ALDH7A1: variants seen among roughly 807,000 people sequenced by gnomAD.
The protein encoded by ALDH7A1 is alpha-aminoadipic semialdehyde dehydrogenase.
Under a neutral mutation model 79.9 loss-of-function variants are expected in ALDH7A1, and 63 were observed. The ratio of observed to expected loss-of-function variants is 0.79; its 90% CI spans 0.64 to 0.97. ALDH7A1 has a LOEUF of 0.97. ALDH7A1 is among the 50% of genes least tolerant of loss of function. The pLI is 0.00. For missense variants in ALDH7A1, 627 were observed against 665.2 expected, an observed-to-expected ratio of 0.94 and a Z score of 0.63; for synonymous variants, 240 against 231.2, an observed-to-expected ratio of 1.04 and a Z score of -0.34.
intron 9 of ALDH7A1, among the ~76,000 whole-genome samples, chr5:126,565,953 T>G (rs1282753399): frequency 6.6e-6 from 1 of 152,250 alleles, no homozygotes; most frequent in African/African-American, 2.4e-5. Context: ...TGTCTATCCT[T>G]ATGCTGGTGC....
At chr5:126,574,019 G>A (rs1280361062) in intron 7 of ALDH7A1, among the ~76,000 whole-genome samples, 19 of 79,026 alleles carry the variant, frequency 2.4e-4, no homozygotes, top group Admixed American at 6.1e-4. Flanking sequence ...AACAAAGACT[G>A]TCTCAAAAAA....
At chr5:126,574,198 A>G (rs1281462406) in intron 7 of ALDH7A1, among the ~76,000 whole-genome samples, 1 of 151,838 alleles carries the variant, frequency 6.6e-6, no homozygotes, top group Non-Finnish European at 1.5e-5. Flanking sequence ...CAAGACATCG[A>G]GACCATCCTG....
chr5:126,563,945 A>T (rs1446624313), intron 9 of ALDH7A1, among the ~76,000 whole-genome samples: 1 of 150,234 alleles, frequency 6.7e-6, no homozygotes, highest in Non-Finnish European at 1.5e-5. Flanking sequence ...GTGTCACAAC[A>T]CCTGGCTTGT....
chr5:126,567,268 T>C (rs576007491), intron 9 of ALDH7A1, among the ~76,000 whole-genome samples: 2 of 152,340 alleles, frequency 1.3e-5, no homozygotes, highest in South Asian at 4.1e-4. Context: ...CATCAGGTTA[T>C]AAATGACCCT....
Position 126,570,861 on chromosome 5 carries a change from T to C in ALDH7A1, c.696-2A>G. 6.2e-7 allele frequency: 1 copy of C among 1,613,722 alleles called. No individual in the cohort carries two copies. The highest frequency in any genetic ancestry group is 8.5e-7 in the Non-Finnish European group (1 of 1,179,692). The stretch of plus-strand genomic sequence containing the variant: ...TCCTCCAGAACCTTGGCTATTATCC[T>C]AGAAAGGAAAAAGCAATTACTGAGG... On this transcript the variant is annotated splice_acceptor_variant, in intron 7 of 17. Coordinates refer to ENST00000409134, the MANE Select transcript of ALDH7A1 (RefSeq NM_001182.5). LOFTEE classifies it high-confidence loss of function.
At chr5:126,551,773 G>A (rs986643054) in intron 14 of ALDH7A1, among the ~76,000 whole-genome samples, 4 of 152,178 alleles carry the variant, frequency 2.6e-5, no homozygotes, top group East Asian at 3.9e-4. Context: ...CACAGGAAAT[G>A]AGGACCACAC....
At chr5:126,555,458 G>A (rs1750157571) in intron 12 of ALDH7A1, 1 of 142,588 alleles carries the variant, frequency 7.0e-6, no homozygotes, top group African/African-American at 3.1e-5. Flanking sequence ...ACTCCAGCCT[G>A]AGCAACAGAG....
intron 5 of ALDH7A1, 25 bp downstream of exon 5, chr5:126,582,826 C>T (rs376418972): frequency 1.2e-5 from 20 of 1,611,538 alleles, no homozygotes; most frequent in Non-Finnish European, 1.6e-5. Context: ...GTACAAAACT[C>T]AGCTTAACTA....
chr5:126,554,391 T>C lies in ALDH7A1; in HGVS notation c.1096A>G (p.Asn366Asp). ...QIRVGNPWDP[N>D]VLYGPLHTKQ... ...GTGTGGAGTGGCCCATAGAGAACAT[T>C]AGCTGGAGAGAGAAAAGGAAGGCTG... The change falls in exon 13 of 18, where the codon AAT becomes GAT. Residue 366 changes from asparagine to aspartate, a missense_variant and splice_region_variant. Coordinates refer to ENST00000409134, the MANE Select transcript of ALDH7A1 (RefSeq NM_001182.5). 1.2e-6 allele frequency: 2 copies of C among 1,613,810 alleles called. No homozygotes were observed. Among genetic ancestry groups the C allele is most frequent in the Non-Finnish European group, 1.7e-6 (2 of 1,179,776 alleles).
At position 126,572,776 on chromosome 5, in the gene ALDH7A1, G is replaced by C. The variant is rs115211013; in HGVS notation, c.696-1917C>G. 1.8e-3 allele frequency among the ~76,000 whole-genome samples: 281 copies of C among 152,260 alleles called. 1 individual carries two copies. The highest frequency in any genetic ancestry group is 6.5e-3 in the African/African-American group (270 of 41,552). On this transcript the variant is annotated intron_variant, in intron 7 of 17. Coordinates refer to ENST00000409134, the MANE Select transcript of ALDH7A1 (RefSeq NM_001182.5). Reference sequence around the variant, plus strand: ...GGTAACCCCACACCTCTCCAATGGGGCTCTCACTTTCTTGTACCTGTATGA... The same window carrying C: ...GGTAACCCCACACCTCTCCAATGGGCCTCTCACTTTCTTGTACCTGTATGA...
intron 8 of ALDH7A1, 79 bp downstream of exon 8, chr5:126,570,703 T>C (rs1033374954): frequency 7.4e-7 from 1 of 1,345,148 alleles, no homozygotes; most frequent in Non-Finnish European, 1.1e-6. Context: ...ATAAGTGAGT[T>C]CATTATTCTA....
chr5:126,593,831 C>A, intron 1 of ALDH7A1: 1 of 280,258 alleles, frequency 3.6e-6, no homozygotes, highest in African/African-American at 2.2e-5. Context: ...GGTCTCAGGT[C>A]AACAATGAAA....
intron 3 of ALDH7A1, among the ~76,000 whole-genome samples, chr5:126,585,024 C>G (rs911122763): frequency 1.3e-5 from 2 of 152,134 alleles, no homozygotes; most frequent in African/African-American, 2.4e-5. Flanking sequence ...TAAGGCTGGG[C>G]GCGGTGGCTC....
At chr5:126,548,200 A>G (rs1315300700) in intron 16 of ALDH7A1, among the ~76,000 whole-genome samples, 16 of 152,182 alleles carry the variant, frequency 1.1e-4, no homozygotes, top group Non-Finnish European at 2.9e-5. Flanking sequence ...CCCAGGCTGA[A>G]GTGCAGTGGT....
intron 11 of ALDH7A1, among the ~76,000 whole-genome samples, chr5:126,557,847 A>G (rs1158450180): frequency 2.0e-5 from 3 of 152,044 alleles, no homozygotes; most frequent in Non-Finnish European, 4.4e-5. Context: ...TTAAATGGCA[A>G]ATGCAGCCAA....
At chr5:126,558,920 CTTG>C (rs1358840057) in intron 11 of ALDH7A1, among the ~76,000 whole-genome samples, 1 of 152,140 alleles carries the variant, frequency 6.6e-6, no homozygotes, top group African/African-American at 2.4e-5. Flanking sequence ...TTATTTTTAT[CTTG>C]TTTTGTTCTC....
intron 5 of ALDH7A1, 75 bp downstream of exon 5, chr5:126,582,776 G>C (rs1008726484): frequency 3.2e-6 from 5 of 1,559,658 alleles, no homozygotes; most frequent in Non-Finnish European, 2.6e-6. Context: ...ACAGTCAATA[G>C]CCAGAGTATT....
At chr5:126,548,185 T>C (rs1382650642) in intron 16 of ALDH7A1, among the ~76,000 whole-genome samples, 1 of 152,216 alleles carries the variant, frequency 6.6e-6, no homozygotes, top group Non-Finnish European at 1.5e-5. Flanking sequence ...ACACTCACTC[T>C]GTCACCCAGG....
chr5:126,556,120 T>C (rs1438380161), intron 11 of ALDH7A1, 105 bp from the exon 12 acceptor site: 1 of 605,836 alleles, frequency 1.7e-6, no homozygotes, highest in Non-Finnish European at 2.8e-6. Context: ...TCTCTAAAAA[T>C]ATAAGAAAAT....
Sources: gnomAD v4.1 joint callset for allele counts (sites outside exome capture counted in the v4.1 genomes callset) on GRCh38, gnomAD v4.1.1 for gene constraint, MANE v1.5 for transcripts, NCBI Gene and HGNC (gene_info 2026-07-23, HGNC 2026-07-21) for gene names.